PDE3A: variants seen among roughly 807,000 people sequenced by gnomAD.
PDE3A encodes cGMP-inhibited 3',5'-cyclic phosphodiesterase 3A.
In PDE3A, 43 loss-of-function variants were observed where a neutral mutation model predicts 98.3. The observed-to-expected ratio is 0.44, with a 90% CI of 0.34 to 0.56. The LOEUF is 0.56. PDE3A is among the 20% of genes least tolerant of loss of function. PDE3A has a pLI of 0.01. For missense variants in PDE3A, 1,427 were observed against 1,440.7 expected (o/e 0.99, Z 0.15); for synonymous variants, 663 against 567.9 (o/e 1.17, Z -2.38).
chr12:20,516,832 T>C (rs577937646), intron 1 of PDE3A, among the ~76,000 whole-genome samples: 2 of 152,294 alleles, frequency 1.3e-5, no homozygotes, highest in South Asian at 4.1e-4. Flanking sequence ...CCAATGTAAT[T>C]TACATTGAGA....
intron 15 of PDE3A, among the ~76,000 whole-genome samples, chr12:20,676,813 A>G (rs1945654048): frequency 6.6e-6 from 1 of 152,054 alleles, no homozygotes; most frequent in African/African-American, 2.4e-5. Context: ...TTGACTTTTG[A>G]AAGTTTGGCT....
intron 2 of PDE3A, among the ~76,000 whole-genome samples, chr12:20,577,483 C>T (rs1164140363): frequency 2.0e-5 from 3 of 152,196 alleles, no homozygotes; most frequent in Non-Finnish European, 4.4e-5. Context: ...AATATCAACA[C>T]ACATTAAACT....
intron 1 of PDE3A, among the ~76,000 whole-genome samples, chr12:20,538,181 G>T (rs966866109): frequency 4.6e-5 from 7 of 152,012 alleles, no homozygotes; most frequent in Non-Finnish European, 1.0e-4. Context: ...ATGAAAAATC[G>T]CACTCTGTGT....
chr12:20,655,712 A>G (rs528991391), intron 15 of PDE3A, among the ~76,000 whole-genome samples: 13 of 152,340 alleles, frequency 8.5e-5, no homozygotes, highest in African/African-American at 2.6e-4. Context: ...AAGATGGGAA[A>G]TCGTCAGTGG....
chr12:20,676,046 T>A (rs961171334), intron 15 of PDE3A, among the ~76,000 whole-genome samples: 5 of 152,212 alleles, frequency 3.3e-5, no homozygotes, highest in African/African-American at 7.2e-5. Flanking sequence ...GTTATGTATA[T>A]CTTTTGTTCC....
At chr12:20,493,275 ACAGT>A (rs1189333961) in intron 1 of PDE3A, among the ~76,000 whole-genome samples, 1 of 152,154 alleles carries the variant, frequency 6.6e-6, no homozygotes, top group Non-Finnish European at 1.5e-5. Flanking sequence ...ACATATATGG[ACAGT>A]CAGCCCTCTG....
intron 1 of PDE3A, among the ~76,000 whole-genome samples, chr12:20,510,139 A>C (rs1231402816): frequency 1.3e-5 from 2 of 152,050 alleles, no homozygotes; most frequent in African/African-American, 2.4e-5. Flanking sequence ...ACATTTTATC[A>C]GTATTTTCTT....
At chr12:20,397,084 A>G (rs1382151876) in intron 1 of PDE3A, among the ~76,000 whole-genome samples, 1 of 152,112 alleles carries the variant, frequency 6.6e-6, no homozygotes, top group Non-Finnish European at 1.5e-5. Context: ...TGCTAATAAT[A>G]ATAACTTAAT....
At chr12:20,579,375 G>A (rs914895943) in intron 2 of PDE3A, among the ~76,000 whole-genome samples, 7 of 139,888 alleles carry the variant, frequency 5.0e-5, no homozygotes, top group Non-Finnish European at 9.3e-5. Flanking sequence ...TGCCTTTTCC[G>A]TGTTCTTGGA....
intron 1 of PDE3A, among the ~76,000 whole-genome samples, chr12:20,438,108 C>T (rs1411056447): frequency 6.6e-6 from 1 of 151,936 alleles, no homozygotes; most frequent in African/African-American, 2.4e-5. Context: ...GATTCTCTCT[C>T]GAGAAGTCTT....
chr12:20,426,725 T>C (rs886685489), intron 1 of PDE3A, among the ~76,000 whole-genome samples: 2 of 152,212 alleles, frequency 1.3e-5, no homozygotes, highest in African/African-American at 4.8e-5. Flanking sequence ...GTACCATGTA[T>C]ATTTTTACTC....
intron 1 of PDE3A, among the ~76,000 whole-genome samples, chr12:20,503,012 A>C (rs879436006): frequency 6.6e-6 from 1 of 152,088 alleles, no homozygotes; most frequent in African/African-American, 2.4e-5. Context: ...GATTATTGTG[A>C]AGCCTAAATG....
At chr12:20,487,630 G>C (rs1456624244) in intron 1 of PDE3A, among the ~76,000 whole-genome samples, 1 of 150,370 alleles carries the variant, frequency 6.7e-6, no homozygotes, top group East Asian at 1.9e-4. Flanking sequence ...TCCAGCCTGG[G>C]CAACAGAGAG....
In PDE3A at chr12:20,660,568, G is replaced by A. The variant is rs867555248; in HGVS notation, c.3184+6363G>A. ...ATTCCCATGTGTTGTGGAGGGACCC[G>A]GTGGGAGATAATTGTATCATCATGG... On this transcript the variant is annotated intron_variant, in intron 15 of 15. Coordinates refer to ENST00000359062, the MANE Select transcript of PDE3A (RefSeq NM_000921.5). Among the ~76,000 whole-genome samples the A allele has an allele frequency of 2.3e-4, 35 of 152,242 alleles. 1 individual carries two copies. Among genetic ancestry groups the A allele is most frequent in the Non-Finnish European group, 4.7e-4 (32 of 68,016 alleles).
intron 15 of PDE3A, among the ~76,000 whole-genome samples, chr12:20,669,686 G>A (rs1187574688): frequency 5.9e-5 from 9 of 151,934 alleles, no homozygotes; most frequent in African/African-American, 9.7e-5. Flanking sequence ...CCCTAAAAGA[G>A]CTCCTGAAGG....
At chr12:20,408,690 T>C (rs1193703553) in intron 1 of PDE3A, among the ~76,000 whole-genome samples, 1 of 152,216 alleles carries the variant, frequency 6.6e-6, no homozygotes, top group Admixed American at 6.5e-5. Flanking sequence ...TTGTAAACCA[T>C]ACAAACAAGT....
chr12:20,678,763 A>G (rs970841300), intron 15 of PDE3A, among the ~76,000 whole-genome samples: 5 of 152,206 alleles, frequency 3.3e-5, no homozygotes, highest in Admixed American at 1.3e-4. Context: ...CAAATGAGAA[A>G]TATCTCAGGG....
chr12:20,428,777 A>G (rs1028452944), intron 1 of PDE3A, among the ~76,000 whole-genome samples: 2 of 152,180 alleles, frequency 1.3e-5, no homozygotes, highest in African/African-American at 4.8e-5. Context: ...CTGTCCTTAT[A>G]AAGAAGTAGG....
intron 1 of PDE3A, among the ~76,000 whole-genome samples, chr12:20,411,414 GAC>G (rs1944330399): frequency 6.6e-6 from 1 of 151,942 alleles, no homozygotes; most frequent in South Asian, 2.1e-4. Flanking sequence ...CTTTTTTTGT[GAC>G]TAGCTTATTT....
Sources: allele counts gnomAD v4.1 joint callset (sites outside exome capture counted in the v4.1 genomes callset), GRCh38; gene constraint gnomAD v4.1.1; transcripts MANE v1.5; gene names NCBI Gene and HGNC (gene_info 2026-07-23, HGNC 2026-07-21).